The following SPATA31H1 variants were observed in gnomAD, a reference collection of about 807,000 sequenced individuals.
The protein encoded by SPATA31H1 is spermatogenesis-associated protein 31H1.
the SPATA31H1 span, among the ~76,000 whole-genome samples, chr2:27,541,170 C>T: frequency 6.6e-6 from 1 of 151,242 alleles, no homozygotes; most frequent in African/African-American, 2.4e-5. Flanking sequence ...GCGGATCACT[C>T]GCGGCTAGGA....
chr2:27,578,726 A>G, the SPATA31H1 span: 8 of 1,614,190 alleles, frequency 5.0e-6, no homozygotes, highest in Non-Finnish European at 6.8e-6. Context: ...AGAAGTTAAC[A>G]TCAGAAGAGT....
chr2:27,566,995 T>C, the SPATA31H1 span: 1 of 717,574 alleles, frequency 1.4e-6, no homozygotes, highest in East Asian at 2.7e-5. Context: ...TCCTCTGTGT[T>C]CAGGAACCAA....
At chr2:27,571,708 T>A in the SPATA31H1 span, 1 of 398,474 alleles carries the variant, frequency 2.5e-6, no homozygotes, top group Non-Finnish European at 4.4e-6. Flanking sequence ...ATGCAAGATA[T>A]GAAATTTGTG....
At chr2:27,545,411 G>C in the SPATA31H1 span, among the ~76,000 whole-genome samples, 3 of 151,848 alleles carry the variant, frequency 2.0e-5, 1 homozygote, top group African/African-American at 7.3e-5. Context: ...ATTGTTGGTG[G>C]GTTTCTTATC....
At chr2:27,571,764 G>A in the SPATA31H1 span, 6 of 398,318 alleles carry the variant, frequency 1.5e-5, no homozygotes, top group Non-Finnish European at 2.7e-5. Context: ...ATCTATAAAG[G>A]AGACTCAAGA....
At chr2:27,566,406 G>A in the SPATA31H1 span, 7 of 716,666 alleles carry the variant, frequency 9.8e-6, no homozygotes, top group East Asian at 1.9e-4. Context: ...TAGTTTCTGG[G>A]TGGGGATTGA....
chr2:27,576,129 A>G, the SPATA31H1 span: 4 of 402,920 alleles, frequency 9.9e-6, no homozygotes, highest in African/African-American at 4.1e-5. Context: ...TATAGATTCT[A>G]TGGAGTGCAA....
At chr2:27,548,491 C>T in the SPATA31H1 span, among the ~76,000 whole-genome samples, 1 of 151,024 alleles carries the variant, frequency 6.6e-6, no homozygotes, top group Non-Finnish European at 1.5e-5. Flanking sequence ...GCCTGTGGTC[C>T]CAGCTACTCA....
the SPATA31H1 span, chr2:27,580,080 C>G: frequency 1.2e-6 from 2 of 1,614,142 alleles, no homozygotes; most frequent in Non-Finnish European, 1.7e-6. Context: ...TGGCTTTAGG[C>G]TGAGAATTGG....
At chr2:27,555,080 G>C in the SPATA31H1 span, among the ~76,000 whole-genome samples, 3 of 151,972 alleles carry the variant, frequency 2.0e-5, no homozygotes, top group African/African-American at 7.3e-5. Context: ...CTGTTTGGTT[G>C]AGTGTTTTTA....
At chr2:27,544,111 TACTC>T in the SPATA31H1 span, among the ~76,000 whole-genome samples, 5 of 152,014 alleles carry the variant, frequency 3.3e-5, no homozygotes, top group Non-Finnish European at 1.5e-5. Context: ...CAGTGTAAAT[TACTC>T]AGGAAGTCAC....
the SPATA31H1 span, chr2:27,571,530 C>G: frequency 2.5e-6 from 1 of 398,354 alleles, no homozygotes; most frequent in African/African-American, 2.1e-5. Context: ...CCTAGGTACA[C>G]AGCTGCAAGA....
chr2:27,574,577 A>C, the SPATA31H1 span: 1 of 398,546 alleles, frequency 2.5e-6, no homozygotes, highest in Non-Finnish European at 4.4e-6. Flanking sequence ...CCTCAGGGAC[A>C]AGGCTTCAAA....
At chr2:27,568,688 C>A in the SPATA31H1 span, 4 of 398,700 alleles carry the variant, frequency 1.0e-5, no homozygotes, top group Non-Finnish European at 1.8e-5. Flanking sequence ...CGGAGTTGGC[C>A]CCAAAGCCAT....
At chr2:27,538,742 A>C in the SPATA31H1 span, among the ~76,000 whole-genome samples, 1 of 152,006 alleles carries the variant, frequency 6.6e-6, no homozygotes, top group African/African-American at 2.4e-5. Flanking sequence ...GAAGCAGGGG[A>C]AACACTTGAA....
chr2:27,580,495 G>A, the SPATA31H1 span: 1 of 1,614,144 alleles, frequency 6.2e-7, no homozygotes, highest in Admixed American at 1.7e-5. Context: ...ACAAACAGTA[G>A]AACCACAATA....
At chr2:27,578,340 A>G in the SPATA31H1 span, 16 of 1,614,016 alleles carry the variant, frequency 9.9e-6, no homozygotes, top group Non-Finnish European at 1.4e-5. Flanking sequence ...AATTGTAAAA[A>G]CTATGTTAAT....
chr2:27,567,000 A>G, the SPATA31H1 span: 3 of 717,602 alleles, frequency 4.2e-6, no homozygotes, highest in Middle Eastern at 2.3e-4. Flanking sequence ...TGTGTTCAGG[A>G]ACCAAGGCAG....
At chr2:27,578,675 G>A in the SPATA31H1 span, 1 of 1,614,166 alleles carries the variant, frequency 6.2e-7, no homozygotes, top group Non-Finnish European at 8.5e-7. Context: ...TGGAAACTGA[G>A]GATTTGAATC....
Sources: gnomAD v4.1 joint callset for allele counts (sites outside exome capture counted in the v4.1 genomes callset) on GRCh38, gnomAD v4.1.1 for gene constraint, MANE v1.5 for transcripts, NCBI Gene and HGNC (gene_info 2026-07-23, HGNC 2026-07-21) for gene names.